The following SLCO6A1 variants were observed in gnomAD, a reference collection of about 807,000 sequenced individuals.
SLCO6A1 encodes the protein cancer/testis antigen 48.
Under a neutral mutation model 72.7 loss-of-function variants are expected in SLCO6A1, and 65 were observed. The observed-to-expected ratio is 0.89, with a 90% CI of 0.73 to 1.10. The LOEUF (loss-of-function observed/expected upper bound fraction) is 1.10. Among genes scored for constraint, SLCO6A1 ranks in the 50% least tolerant of loss-of-function variants. The probability of loss-of-function intolerance (pLI) is 0.00; values close to 1 mark genes in which losing one functional copy is unlikely to be tolerated. For missense variants in SLCO6A1, 874 were observed against 872.6 expected (o/e 1.00, Z -0.02); for synonymous variants, 314 against 298.2 (o/e 1.05, Z -0.55).
At chr5:102,459,240 T>C (rs1410142596) in intron 5 of SLCO6A1, among the ~76,000 whole-genome samples, 2 of 151,996 alleles carry the variant, frequency 1.3e-5, no homozygotes, top group African/African-American at 4.8e-5. Context: ...CAAGACTCCA[T>C]CTCTAGAACA....
chr5:102,453,741 C>T (rs1750556953), intron 6 of SLCO6A1, among the ~76,000 whole-genome samples: 1 of 152,082 alleles, frequency 6.6e-6, no homozygotes, highest in African/African-American at 2.4e-5. Context: ...GCCTGGCTTC[C>T]CAGGAGTCAC....
At chr5:102,453,858 G>C (rs1217828128) in intron 6 of SLCO6A1, among the ~76,000 whole-genome samples, 3 of 152,112 alleles carry the variant, frequency 2.0e-5, no homozygotes, top group Non-Finnish European at 2.9e-5. Flanking sequence ...TCTGTACATG[G>C]ATTGGATCAC....
At chr5:102,373,304 T>A (rs1271560574) in intron 13 of SLCO6A1, 33 bp downstream of exon 13, 4 of 1,366,866 alleles carry the variant, frequency 2.9e-6, no homozygotes, top group Non-Finnish European at 3.8e-6. Context: ...ATATTAATAT[T>A]TCATTGATAG....
At chr5:102,439,538 C>T (rs1053422686) in intron 6 of SLCO6A1, among the ~76,000 whole-genome samples, 6 of 152,136 alleles carry the variant, frequency 3.9e-5, no homozygotes, top group African/African-American at 9.6e-5. Flanking sequence ...GCAAACTCAA[C>T]TAGTTCAAAT....
intron 13 of SLCO6A1, among the ~76,000 whole-genome samples, chr5:102,372,544 G>T (rs1750681528): frequency 6.6e-6 from 1 of 151,664 alleles, no homozygotes; most frequent in Non-Finnish European, 1.5e-5. Flanking sequence ...ATAAATAGTT[G>T]ACACATTTTC....
At chr5:102,400,984 A>T (rs543243603) in intron 9 of SLCO6A1, among the ~76,000 whole-genome samples, 24 of 151,946 alleles carry the variant, frequency 1.6e-4, no homozygotes, top group Admixed American at 1.3e-4. Context: ...AGGACATTTT[A>T]AAAAAAAGGA....
chr5:102,420,601 G>A (rs1748541745), intron 7 of SLCO6A1, among the ~76,000 whole-genome samples: 1 of 150,504 alleles, frequency 6.6e-6, no homozygotes, highest in African/African-American at 2.5e-5. Context: ...GGAGGAGGAG[G>A]AGCAGGAGAA....
rs553029947 is a variant in SLCO6A1, at chr5:102,438,488, T to C, written c.1276+129A>G. ...CACTATGATGGCAAAGTGCTCATAT[T>C]TGTAAAATCTGCACAAATCATATCT... On this transcript the variant is annotated intron_variant, in intron 7 of 13. Coordinates refer to ENST00000506729, the MANE Select transcript of SLCO6A1 (RefSeq NM_173488.5). 168 of 714,554 alleles carry C rather than the reference T, an allele frequency of 2.4e-4. No homozygotes were observed. The East Asian group carries it at 5.8e-3, about 25-fold the overall frequency. The allele number at this position is 714,554 out of a possible 1,614,324, so 44.3% of individuals were successfully genotyped here.
chr5:102,432,266 A>T (rs1749261490), intron 7 of SLCO6A1, among the ~76,000 whole-genome samples: 3 of 152,226 alleles, frequency 2.0e-5, no homozygotes, highest in Admixed American at 2.0e-4. Context: ...TGTGGATTTG[A>T]TCCTGTCATC....
chr5:102,455,713 A>G (rs574806612), intron 6 of SLCO6A1, among the ~76,000 whole-genome samples: 1 of 152,284 alleles, frequency 6.6e-6, no homozygotes, highest in East Asian at 1.9e-4. Flanking sequence ...AATAATATAA[A>G]ACTAAAAGAA....
chr5:102,443,349 T>A (rs1223545700), intron 6 of SLCO6A1, among the ~76,000 whole-genome samples: 5 of 152,226 alleles, frequency 3.3e-5, no homozygotes, highest in African/African-American at 1.2e-4. Context: ...TTACTTCTCT[T>A]TCTCAATGGC....
At chr5:102,391,100 A>C (rs1746732233) in intron 10 of SLCO6A1, 55 bp from the exon 11 acceptor site, 2 of 1,465,670 alleles carry the variant, frequency 1.4e-6, no homozygotes, top group African/African-American at 2.8e-5. Context: ...AGCACTAAGA[A>C]TGTATGCTAG....
At chr5:102,489,751 T>G (rs768101424) in intron 1 of SLCO6A1, among the ~76,000 whole-genome samples, 1 of 152,222 alleles carries the variant, frequency 6.6e-6, no homozygotes, top group Non-Finnish European at 1.5e-5. Flanking sequence ...TGGATATATA[T>G]TCAAATGAAA....
At chr5:102,394,210 T>C (rs1746935460) in intron 10 of SLCO6A1, among the ~76,000 whole-genome samples, 2 of 152,232 alleles carry the variant, frequency 1.3e-5, no homozygotes, top group African/African-American at 4.8e-5. Flanking sequence ...ATATGAGCAT[T>C]GACCTGTTGC....
rs748721147 is a variant in SLCO6A1 at position 102,480,353 on chromosome 5, A to G, written c.440T>C (p.Leu147Ser). 4 of 1,613,546 alleles carry G rather than the reference A, an allele frequency of 2.5e-6. No homozygotes were observed. Among genetic ancestry groups the G allele is most frequent in the Non-Finnish European group, 3.4e-6 (4 of 1,179,794 alleles). ...AGATGAAATATCGTAACTCTTTTCC[A>G]ATGCCAACTTCTCAATGGTTTTCAG... ...YQLKTIEKLA[L>S]EKSYDISSGL... is the part of the protein sequence containing the mutation. The change falls in exon 2 of 14, where the codon TTG becomes TCG. Residue 147 changes from leucine to serine, a missense_variant. Coordinates refer to ENST00000506729, the MANE Select transcript of SLCO6A1 (RefSeq NM_173488.5).
At chr5:102,398,715 C>T (rs1187751574) in intron 10 of SLCO6A1, among the ~76,000 whole-genome samples, 1 of 152,124 alleles carries the variant, frequency 6.6e-6, no homozygotes, top group African/African-American at 2.4e-5. Context: ...CTCTTTGCCT[C>T]ATTCATTATC....
intron 1 of SLCO6A1, among the ~76,000 whole-genome samples, chr5:102,493,059 A>C (rs1012683555): frequency 3.3e-5 from 5 of 152,190 alleles, no homozygotes; most frequent in Non-Finnish European, 7.3e-5. Flanking sequence ...TAGAACTTAA[A>C]GTGTATTAAA....
At position 102,390,032 on chromosome 5, in the gene SLCO6A1, T is replaced by C. The variant is rs1746662732; in HGVS notation, c.1879+949A>G. Among the ~76,000 whole-genome samples, 4 of 152,274 alleles carry C rather than the reference T, an allele frequency of 2.6e-5. No individual in the cohort carries two copies. In the South Asian group the frequency reaches 8.3e-4, roughly 32 times the overall value. ...GTGCTGGGATTACAAATATGAGCAC[T>C]GTGCCTAGCCGGGGTTATCTTTTAA... On this transcript the variant is annotated intron_variant, in intron 11 of 13. Transcript: ENST00000506729.
intron 6 of SLCO6A1, among the ~76,000 whole-genome samples, chr5:102,444,335 C>G (rs913954521): frequency 6.6e-6 from 1 of 152,136 alleles, no homozygotes; most frequent in Non-Finnish European, 1.5e-5. Context: ...CATTGATTTA[C>G]TCCCTACCCT....
Sources: gnomAD v4.1 joint callset for allele counts (sites outside exome capture counted in the v4.1 genomes callset) on GRCh38, gnomAD v4.1.1 for gene constraint, MANE v1.5 for transcripts, NCBI Gene and HGNC (gene_info 2026-07-23, HGNC 2026-07-21) for gene names.